The following KIFC3 variants were observed in gnomAD, a reference collection of about 807,000 sequenced individuals.
KIFC3 encodes kinesin family member C3, also known as kinesin-like protein KIFC3.
KIFC3 carries 60 observed loss-of-function variants against 101.8 expected under a neutral mutation model. The ratio of observed to expected loss-of-function variants is 0.59; its 90% CI spans 0.48 to 0.73. The LOEUF is 0.73. KIFC3 is among the 30% of genes least tolerant of loss of function. The probability of loss-of-function intolerance (pLI) is 0.00; values close to 1 mark genes in which losing one functional copy is unlikely to be tolerated. For missense variants in KIFC3, 966 were observed against 1,137.1 expected, an observed-to-expected ratio of 0.85 and a Z score of 2.16; for synonymous variants, 476 against 482.7, an observed-to-expected ratio of 0.99 and a Z score of 0.18.
In KIFC3 at chr16:57,769,122, C is replaced by T. The variant is rs2050844199; in HGVS notation, c.1218+473G>A. Among the ~76,000 whole-genome samples the T allele has an allele frequency of 6.6e-6, 1 of 152,226 alleles. No individual in the cohort carries two copies. The highest frequency in any genetic ancestry group is 2.1e-4 in the South Asian group (1 of 4,836). ...GATCTTGGTTCACCGCAACCTCCGC[C>T]TTCTGGGTTCAAGTGATTCTCCTGC... is the stretch of plus-strand genomic sequence containing the variant. On this transcript the variant is annotated intron_variant, in intron 9 of 19. Coordinates refer to ENST00000445690, the MANE Select transcript of KIFC3 (RefSeq NM_001130100.2). The surrounding 1 kb of genome is among the most constrained non-coding windows in gnomAD (Gnocchi z 4.3).
intron 6 of KIFC3, 147 bp downstream of exon 6, chr16:57,771,051 G>T: frequency 9.6e-7 from 1 of 1,043,896 alleles, no homozygotes. Context: ...GGAAGGGGAA[G>T]GGGCAGGACC....
At chr16:57,829,826 C>T (rs958437934) in intron 1 of KIFC3, among the ~76,000 whole-genome samples, 3 of 152,150 alleles carry the variant, frequency 2.0e-5, no homozygotes, top group African/African-American at 4.8e-5. Flanking sequence ...AGGCATTTGC[C>T]CAGCTGGCCA....
intron 3 of KIFC3, chr16:57,774,746 T>TGAATTCCTGGCCTC: frequency 1.6e-6 from 1 of 610,364 alleles, no homozygotes; most frequent in Non-Finnish European, 2.5e-6. Flanking sequence ...AAGCTGGCCT[T>TGAATTCCTGGCCTC]GAATTCCTGG....
At chr16:57,811,918 CAAAAAA>C (rs533115992) in intron 1 of KIFC3, among the ~76,000 whole-genome samples, 1 of 107,804 alleles carries the variant, frequency 9.3e-6, no homozygotes, top group African/African-American at 3.4e-5. Context: ...GACTCCGTCT[CAAAAAA>C]AAAAAAAAAA....
chr16:57,836,621 T>C (rs1418362819), intron 1 of KIFC3, among the ~76,000 whole-genome samples: 1 of 152,218 alleles, frequency 6.6e-6, no homozygotes, highest in Non-Finnish European at 1.5e-5. Flanking sequence ...AACAAAAATG[T>C]ACCCTCTTGC....
chr16:57,832,296 C>T (rs1474366730), intron 1 of KIFC3, among the ~76,000 whole-genome samples: 1 of 139,738 alleles, frequency 7.2e-6, no homozygotes, highest in African/African-American at 2.7e-5. Context: ...GCTGGGATTA[C>T]AGCCATGAGC....
chr16:57,765,558 G>A lies in KIFC3; in HGVS notation c.1413C>T (p.Phe471=), dbSNP rs1204574184. ...EGPEATNAVT[F]DADDDSIIHL... ...GGATGATGGAGTCGTCGTCGGCATC[G>A]AAAGTCACAGCATTGGTGGCCTCAG... The change falls in exon 11 of 20, where the codon TTC becomes TTT. Residue 471 remains phenylalanine (F), a synonymous_variant. Coordinates refer to ENST00000445690, the MANE Select transcript of KIFC3 (RefSeq NM_001130100.2). The A allele has an allele frequency of 3.7e-6, 6 of 1,607,566 alleles. No individual in the cohort carries two copies. Among genetic ancestry groups the A allele is most frequent in the East Asian group, 2.2e-5 (1 of 44,756 alleles).
At position 57,821,130 on chromosome 16, in the gene KIFC3, TA is replaced by T. The variant is rs35996609; in HGVS notation, c.109-22849del. On this transcript the variant is annotated intron_variant, in intron 1 of 2. Coordinates refer to the KIFC3 transcript ENST00000563028. ...TGAGTGACACAGCAAGCCTGTGTATTAAAAAAAAAAAAAGGGAGGACTATGG... is the reference window on the plus strand; with the variant it reads ...TGAGTGACACAGCAAGCCTGTGTATTAAAAAAAAAAAAGGGAGGACTATGG... 4.4e-3 allele frequency among the ~76,000 whole-genome samples: 632 copies of T among 143,196 alleles called. 5 individuals are homozygous for T. Among genetic ancestry groups the T allele is most frequent in the African/African-American group, 0.01 (393 of 38,892 alleles). The allele number at this position is 143,196 out of a possible 152,430, so 93.9% of individuals were successfully genotyped here. A position where few individuals can be genotyped will look rare whatever the true frequency, so the allele number is the denominator to read the frequency against.
intron 3 of KIFC3, among the ~76,000 whole-genome samples, chr16:57,790,474 C>CA (rs1202687366): frequency 3.8e-5 from 5 of 133,114 alleles, no homozygotes; most frequent in South Asian, 2.5e-4. Flanking sequence ...AAATTCAAAA[C>CA]AAAAAAAATA....
At chr16:57,839,129 G>T (rs943994377) in intron 1 of KIFC3, among the ~76,000 whole-genome samples, 1 of 152,002 alleles carries the variant, frequency 6.6e-6, no homozygotes, top group East Asian at 1.9e-4. Flanking sequence ...GGAGGTCAAG[G>T]CTGCAGTGAG....
At chr16:57,818,912 C>T (rs1383863657) in intron 1 of KIFC3, among the ~76,000 whole-genome samples, 1 of 152,230 alleles carries the variant, frequency 6.6e-6, no homozygotes, top group East Asian at 1.9e-4. Context: ...CTGTTCTCTG[C>T]CAGCAGCAAG....
At chr16:57,778,896 C>T (rs1420494656) in intron 3 of KIFC3, among the ~76,000 whole-genome samples, 1 of 152,060 alleles carries the variant, frequency 6.6e-6, no homozygotes, top group Non-Finnish European at 1.5e-5. Flanking sequence ...CATAGCGAGA[C>T]CTCATCTCTA....
intron 1 of KIFC3, among the ~76,000 whole-genome samples, chr16:57,853,918 C>T (rs1371712586): frequency 6.6e-6 from 1 of 152,072 alleles, no homozygotes; most frequent in East Asian, 1.9e-4. Context: ...TAGGTGTGAG[C>T]CACTGCACCT....
rs146547097 is a variant in KIFC3, at chr16:57,771,662, G to A, written c.406C>T (p.Arg136Trp). Residue 136 changes from arginine to tryptophan, a missense_variant, in exon 5 of 20, where the codon CGG becomes TGG. Around this residue, in one of 2 missense-constraint regions of KIFC3, gnomAD observed 277 missense variants for 252.5 expected, o/e 1.10. Transcript: ENST00000445690. ...ELGGTDLEKH[R>W]DLLMVENERL... ...TCATTCTCCACCATCAGCAGGTCCC[G>A]GTGCTTCTCCAAGTCGGTGCCCCCC... 121 of 1,612,414 alleles carry A rather than the reference G, an allele frequency of 7.5e-5. No individual in the cohort carries two copies. The highest frequency in any genetic ancestry group is 4.0e-4 in the Admixed American group (24 of 59,858).
intron 3 of KIFC3, chr16:57,775,497 G>T: frequency 1.0e-6 from 1 of 989,398 alleles, no homozygotes; most frequent in South Asian, 4.7e-5. Context: ...TCAGAGTTAG[G>T]GAAAACAGGC....
intron 1 of KIFC3, among the ~76,000 whole-genome samples, chr16:57,848,053 T>C (rs1345449332): frequency 1.3e-5 from 2 of 152,228 alleles, no homozygotes; most frequent in African/African-American, 4.8e-5. Context: ...TCTAAAGTAC[T>C]GGCATTACAG....
At chr16:57,837,329 A>G (rs2055706630) in intron 1 of KIFC3, among the ~76,000 whole-genome samples, 1 of 151,872 alleles carries the variant, frequency 6.6e-6, no homozygotes, top group Non-Finnish European at 1.5e-5. Context: ...TTAGCCAGGC[A>G]TGGTGGTGCA....
Position 57,765,358 on chromosome 16 carries a change from C to A in KIFC3, c.1512+101G>T, listed in dbSNP as rs1484292566. 1.4e-5 allele frequency: 17 copies of A among 1,195,640 alleles called. No homozygotes were observed. The Admixed American group carries it at 4.2e-4, about 29-fold the overall frequency. The allele number at this position is 1,195,640 out of a possible 1,614,324, so 74.1% of individuals were successfully genotyped here. A position where few individuals can be genotyped will look rare whatever the true frequency, so the allele number is the denominator to read the frequency against. On this transcript the variant is annotated intron_variant, in intron 11 of 19. Coordinates refer to ENST00000445690, the MANE Select transcript of KIFC3 (RefSeq NM_001130100.2). ...CTCCCCACTTCTGATTCCTGCACCC[C>A]CCACTCTTAACGCTTCTTCCTGCCC...
intron 1 of KIFC3, among the ~76,000 whole-genome samples, chr16:57,829,071 T>A (rs1555478748): frequency 6.6e-6 from 1 of 152,114 alleles, no homozygotes; most frequent in Non-Finnish European, 1.5e-5. Flanking sequence ...CAGACCATAA[T>A]ACTTTTAAGG....
Sources: allele counts gnomAD v4.1 joint callset (sites outside exome capture counted in the v4.1 genomes callset), GRCh38; gene constraint gnomAD v4.1.1; regional missense constraint gnomAD v4.1.1; non-coding constraint Gnocchi (gnomAD v3.1); transcripts MANE v1.5; gene names NCBI Gene and HGNC (gene_info 2026-07-23, HGNC 2026-07-21).